Variants in SMIM43 observed in about 807,000 individuals in gnomAD.
SMIM43 encodes small integral membrane protein 43.
intron 3 of SMIM43, among the ~76,000 whole-genome samples, 189 bp from the exon 4 acceptor site, chr4:121,762,081 T>C (rs903355380): frequency 2.0e-5 from 3 of 152,240 alleles, no homozygotes; most frequent in Admixed American, 6.5e-5. Flanking sequence ...GTTACATTTA[T>C]ATAATAAGCA....
chr4:121,764,963 A>G lies in SMIM43; in HGVS notation c.143T>C (p.Leu48Pro), dbSNP rs1726277109. 5.0e-6 allele frequency: 2 copies of G among 398,374 alleles called. No individual in the cohort carries two copies. Among genetic ancestry groups the G allele is most frequent in the Non-Finnish European group, 8.9e-6 (2 of 225,680 alleles). The allele number at this position is 398,374 out of a possible 1,614,324, so 24.7% of individuals were successfully genotyped here. ...GCCCCAAGGCTCGCGGTGCACCGAGAGGCGCCCGGGCTGGAGCGCCCCGGC... is the reference window on the plus strand; with the variant it reads ...GCCCCAAGGCTCGCGGTGCACCGAGGGGCGCCCGGGCTGGAGCGCCCCGGC... ...NTAGALQPGR[L>P]SVHREPWGFS... Residue 48 changes from leucine to proline, a missense_variant, in exon 1 of 6, where the codon CTC (leucine) becomes CCC (proline). Leu to Pro is a moderately conservative substitution (Grantham distance 98). Transcript: ENST00000643802.
chr4:121,760,484 A>T lies in SMIM43; in HGVS notation c.*500-10T>A, dbSNP rs1332935808. On this transcript the variant is annotated splice_polypyrimidine_tract_variant and intron_variant, in intron 5 of 5. Coordinates refer to ENST00000643802, the MANE Select transcript of SMIM43 (RefSeq NM_001384332.1). ...GGGACCATCTTGGAACCTGGAGGAA[A>T]AAGCCAAGGGAACCTCAGCAGCCAC... 7.8e-6 allele frequency: 12 copies of T among 1,530,980 alleles called. No homozygotes were observed. Among genetic ancestry groups the T allele is most frequent in the Non-Finnish European group, 9.7e-6 (11 of 1,139,780 alleles). The allele number at this position is 1,530,980 out of a possible 1,614,324, so 94.8% of individuals were successfully genotyped here. A position where few individuals can be genotyped will look rare whatever the true frequency, so the allele number is the denominator to read the frequency against.
chr4:121,760,623 T>G (rs1404311472), intron 5 of SMIM43, 149 bp from the exon 6 acceptor site: 1 of 1,315,774 alleles, frequency 7.6e-7, no homozygotes, highest in African/African-American at 1.5e-5. Flanking sequence ...AAGCCGCTCT[T>G]CAGTCCAGAA....
At position 121,761,854 on chromosome 4, in the gene SMIM43, C is replaced by G. The variant is rs1453965965; in HGVS notation, c.*317G>C. ...CAAGTTTGGAAATTAGTGCAACAGC[C>G]AAGATTGTCCTGATAAGATCTGAAG... On this transcript the variant is annotated 3_prime_UTR_variant, in exon 4 of 6. Coordinates refer to ENST00000643802, the MANE Select transcript of SMIM43 (RefSeq NM_001384332.1). 6.2e-7 allele frequency: 1 copy of G among 1,612,642 alleles called. No individual in the cohort carries two copies. Among genetic ancestry groups the G allele is most frequent in the South Asian group, 1.1e-5 (1 of 90,542 alleles).
chr4:121,765,278 G>A (rs1578482371), upstream of SMIM43: 1 of 371,946 alleles, frequency 2.7e-6, no homozygotes, highest in Non-Finnish European at 4.8e-6. Context: ...GAGGAAACGC[G>A]CCAAGGAGCT....
In SMIM43 at chr4:121,761,829, C is replaced by G. The variant is rs1234072387; in HGVS notation, c.*341+1G>C. On this transcript the variant is annotated splice_donor_variant, in intron 4 of 5. Coordinates refer to ENST00000643802, the MANE Select transcript of SMIM43 (RefSeq NM_001384332.1). LOFTEE classifies it low-confidence loss of function (3UTR_SPLICE). ...TAGAACTGCAGATCCATTGCACTTACAAGTTTGGAAATTAGTGCAACAGCC... is the reference window on the plus strand; with the variant it reads ...TAGAACTGCAGATCCATTGCACTTAGAAGTTTGGAAATTAGTGCAACAGCC... 6.2e-7 allele frequency: 1 copy of G among 1,613,146 alleles called. No homozygotes were observed. The highest frequency in any genetic ancestry group is 1.1e-5 in the South Asian group (1 of 90,712).
Position 121,760,227 on chromosome 4 carries a change from T to A in SMIM43, c.*747A>T. On this transcript the variant is annotated 3_prime_UTR_variant, in exon 6 of 6. Coordinates refer to ENST00000643802, the MANE Select transcript of SMIM43 (RefSeq NM_001384332.1). The stretch of plus-strand genomic sequence containing the variant: ...CTCCCAAGATCCACCATCATCTTCT[T>A]CTTCATCAAGAGAAACTGGATTTTT... 6.5e-7 allele frequency: 1 copy of A among 1,534,306 alleles called. No individual in the cohort carries two copies. The highest frequency in any genetic ancestry group is 2.3e-5 in the East Asian group (1 of 43,610).
In SMIM43 at chr4:121,759,724, G is replaced by T. The variant is rs1245340869; in HGVS notation, c.*1250C>A. ...TCTCCCAGGATATTCCTAGACTGGT[G>T]GTGGAGTCACAGAAAGGAGTAAGGT... On this transcript the variant is annotated 3_prime_UTR_variant, in exon 6 of 6. Coordinates refer to ENST00000643802, the MANE Select transcript of SMIM43 (RefSeq NM_001384332.1). The T allele has an allele frequency of 6.6e-6, 1 of 152,182 alleles. No individual in the cohort carries two copies. Among genetic ancestry groups the T allele is most frequent in the East Asian group, 1.9e-4 (1 of 5,190 alleles). The allele number at this position is 152,182 out of a possible 1,614,324, so 9.4% of individuals were successfully genotyped here.
upstream of SMIM43, chr4:121,765,362 TGAG>T (rs1374799427): frequency 1.0e-5 from 3 of 296,376 alleles, no homozygotes; most frequent in African/African-American, 6.6e-5. Flanking sequence ...CAGGTGCTCT[TGAG>T]GACGCGAGCG....
Position 121,759,188 on chromosome 4 carries a change from A to C in SMIM43, c.*1786T>G, listed in dbSNP as rs2110518562. The C allele has an allele frequency of 6.6e-6, 1 of 152,354 alleles. No individual in the cohort carries two copies. Among genetic ancestry groups the C allele is most frequent in the South Asian group, 2.1e-4 (1 of 4,830 alleles). 9.4% of individuals were successfully genotyped at this position (152,354 alleles called of 1,614,324 possible). A position where few individuals can be genotyped will look rare whatever the true frequency, so the allele number is the denominator to read the frequency against. On this transcript the variant is annotated 3_prime_UTR_variant, in exon 6 of 6. Coordinates refer to ENST00000643802, the MANE Select transcript of SMIM43 (RefSeq NM_001384332.1). ...TGATCAATTATCACTAAAATCAGTC[A>C]CAGGAACTATTCCCAGGAGGTCATC...
intron 1 of SMIM43, chr4:121,764,175 T>C (rs1446638800): frequency 6.6e-6 from 1 of 152,248 alleles, no homozygotes; most frequent in Non-Finnish European, 1.5e-5. Flanking sequence ...ACTGTAACGT[T>C]CACCATCCGC....
chr4:121,763,172 T>C lies in SMIM43; in HGVS notation c.*207-374A>G, dbSNP rs531196511. ...CTTACTTCATTAAGAACAGGCCTAT[T>C]TGGGGAGAGTGAAATAGAAAGTGGG... is the stretch of plus-strand genomic sequence containing the variant. On this transcript the variant is annotated intron_variant, in intron 2 of 5. Transcript: ENST00000643802. 3.1e-4 allele frequency among the ~76,000 whole-genome samples: 47 copies of C among 152,276 alleles called. 1 individual carries two copies. The highest frequency in any genetic ancestry group is 6.8e-3 in the Middle Eastern group (2 of 294).
At chr4:121,765,208 G>C (rs1010146470), upstream of SMIM43, 2 of 385,078 alleles carry the variant, frequency 5.2e-6, no homozygotes, top group African/African-American at 2.1e-5. Context: ...CCCGCCCCTC[G>C]CGAGGGCGTC....
At chr4:121,763,478 G>A (rs1441349085) in intron 2 of SMIM43, among the ~76,000 whole-genome samples, 1 of 151,996 alleles carries the variant, frequency 6.6e-6, no homozygotes, top group Non-Finnish European at 1.5e-5. Flanking sequence ...ATGAACCCCC[G>A]CACTGTTTTT....
At position 121,760,272 on chromosome 4, in the gene SMIM43, C is replaced by T. The variant is rs1238201785; in HGVS notation, c.*702G>A. On this transcript the variant is annotated 3_prime_UTR_variant, in exon 6 of 6. Coordinates refer to ENST00000643802, the MANE Select transcript of SMIM43 (RefSeq NM_001384332.1). ...ATTTTTGTCAAAGGCAGTTATATAT[C>T]CAGCTACAAAAACTACATTTCTCAG... 2.5e-6 allele frequency: 4 copies of T among 1,585,568 alleles called. No individual in the cohort carries two copies. In the South Asian group the frequency reaches 3.5e-5, roughly 14 times the overall value.
At position 121,759,600 on chromosome 4, in the gene SMIM43, C is replaced by T. The variant is rs1578473555; in HGVS notation, c.*1374G>A. On this transcript the variant is annotated 3_prime_UTR_variant, in exon 6 of 6. Coordinates refer to ENST00000643802, the MANE Select transcript of SMIM43 (RefSeq NM_001384332.1). ...CAGATATAGAACATTTCTGTCATCACAGAAAGTTCTTTTAGACAGCCCTAG... is the reference window on the plus strand; with the variant it reads ...CAGATATAGAACATTTCTGTCATCATAGAAAGTTCTTTTAGACAGCCCTAG... 6.6e-6 allele frequency: 1 copy of T among 152,306 alleles called. No homozygotes were observed. Among genetic ancestry groups the T allele is most frequent in the East Asian group, 1.9e-4 (1 of 5,188 alleles). The allele number at this position is 152,306 out of a possible 1,614,324, so 9.4% of individuals were successfully genotyped here.
intron 2 of SMIM43, among the ~76,000 whole-genome samples, chr4:121,763,015 A>G (rs1195347871): frequency 6.6e-6 from 1 of 152,228 alleles, no homozygotes; most frequent in Non-Finnish European, 1.5e-5. Context: ...TTAGAGAACT[A>G]TTGTTCAAAG....
chr4:121,763,655 C>T (rs1366444071), intron 2 of SMIM43, 109 bp downstream of exon 2: 1 of 152,172 alleles, frequency 6.6e-6, no homozygotes, highest in African/African-American at 2.4e-5. Context: ...CCCTTTCCTT[C>T]CTTGTACCCA....
At chr4:121,763,408 A>T (rs1726173099) in intron 2 of SMIM43, among the ~76,000 whole-genome samples, 2 of 152,182 alleles carry the variant, frequency 1.3e-5, no homozygotes, top group South Asian at 4.1e-4. Flanking sequence ...CACTGACATG[A>T]CTAAACCCAA....
Sources: allele counts gnomAD v4.1 joint callset (sites outside exome capture counted in the v4.1 genomes callset), GRCh38; gene constraint gnomAD v4.1.1; transcripts MANE v1.5; gene names NCBI Gene and HGNC (gene_info 2026-07-23, HGNC 2026-07-21).